RAPH1: variants seen among roughly 807,000 people sequenced by gnomAD.
RAPH1 encodes the protein ras-associated and pleckstrin homology domains-containing protein 1.
A neutral mutation model predicts 88.1 loss-of-function variants in RAPH1; 18 were observed. That is an observed-to-expected ratio of 0.20 (90% CI 0.14 to 0.30). The LOEUF is 0.30. Ranked by LOEUF, RAPH1 falls within the 10% of genes least tolerant of loss-of-function variation. The probability of loss-of-function intolerance (pLI) is 1.00; values close to 1 mark genes in which losing one functional copy is unlikely to be tolerated. For missense variants in RAPH1, 1,448 were observed against 1,543.2 expected, an observed-to-expected ratio of 0.94 and a Z score of 1.03; for synonymous variants, 587 against 559.0, an observed-to-expected ratio of 1.05 and a Z score of -0.71.
chr2:203,462,612 C>T (rs2098525044), intron 4 of RAPH1, among the ~76,000 whole-genome samples: 1 of 152,080 alleles, frequency 6.6e-6, no homozygotes. Context: ...TTTTTAAATG[C>T]TAAATATGAT....
chr2:203,500,274 G>A (rs1173015960), intron 1 of RAPH1, among the ~76,000 whole-genome samples: 1 of 152,212 alleles, frequency 6.6e-6, no homozygotes, highest in Non-Finnish European at 1.5e-5. Flanking sequence ...GAGACCTGAA[G>A]AGTGAATATG....
At chr2:203,530,165 T>G (rs1158846449) in intron 1 of RAPH1, among the ~76,000 whole-genome samples, 2 of 152,222 alleles carry the variant, frequency 1.3e-5, no homozygotes, top group African/African-American at 4.8e-5. Flanking sequence ...GAAAAATACC[T>G]TAATAGCAAG....
At chr2:203,501,712 T>G (rs1466883641) in intron 1 of RAPH1, among the ~76,000 whole-genome samples, 2 of 151,832 alleles carry the variant, frequency 1.3e-5, no homozygotes, top group Non-Finnish European at 1.5e-5. Flanking sequence ...AAGTTTCCTC[T>G]GTAGATTAGT....
chr2:203,530,761 G>C (rs1690353894), intron 1 of RAPH1, among the ~76,000 whole-genome samples: 1 of 151,974 alleles, frequency 6.6e-6, no homozygotes, highest in African/African-American at 2.4e-5. Context: ...GCACGGTGGT[G>C]CATGCCTGTA....
chr2:203,497,662 T>A (rs1688578195), intron 1 of RAPH1, among the ~76,000 whole-genome samples: 1 of 152,180 alleles, frequency 6.6e-6, no homozygotes, highest in Non-Finnish European at 1.5e-5. Flanking sequence ...TAGAAACTGA[T>A]AATTTCCATT....
In RAPH1 at chr2:203,433,762, T is replaced by A. The variant is rs2098495062; in HGVS notation, c.*5675A>T. ...ATGTTTTGGGTACCCTGACATGAAA[T>A]GCAAAACCAGATTCTTAATGGTGCC... On this transcript the variant is annotated 3_prime_UTR_variant, in exon 14 of 14. Transcript: ENST00000319170. 6.6e-6 allele frequency: 1 copy of A among 152,372 alleles called. No homozygotes were observed. Among genetic ancestry groups the A allele is most frequent in the African/African-American group, 2.4e-5 (1 of 41,438 alleles). The allele number at this position is 152,372 out of a possible 1,614,324, so 9.4% of individuals were successfully genotyped here. A position where few individuals can be genotyped will look rare whatever the true frequency, so the allele number is the denominator to read the frequency against.
At position 203,455,434 on chromosome 2, in the gene RAPH1, C is replaced by A. The variant is rs374366573; in HGVS notation, c.1302+3G>T. The A allele has an allele frequency of 6.2e-7, 1 of 1,611,890 alleles. No individual in the cohort carries two copies. Among genetic ancestry groups the A allele is most frequent in the Non-Finnish European group, 8.5e-7 (1 of 1,179,238 alleles). Reference sequence around the variant, plus strand: ...AGTTCAAATTCCAACAGAAGGGACACACCTTTGCTTTTCCTTTGGGAACAT... The same window carrying A: ...AGTTCAAATTCCAACAGAAGGGACAAACCTTTGCTTTTCCTTTGGGAACAT... On this transcript the variant is annotated splice_donor_region_variant and intron_variant, in intron 9 of 13. Transcript: ENST00000319170.
rs1461511495 is a variant in RAPH1 at position 203,433,815 on chromosome 2, T to A, written c.*5622A>T. ...TCCACAAACACTCAAAGTCCCCATGTTTAAATGAAATCTATGAATTTTTTT... is the reference window on the plus strand; with the variant it reads ...TCCACAAACACTCAAAGTCCCCATGATTAAATGAAATCTATGAATTTTTTT... On this transcript the variant is annotated 3_prime_UTR_variant, in exon 14 of 14. Transcript: ENST00000319170. 1 of 152,122 alleles carries A rather than the reference T, an allele frequency of 6.6e-6. No homozygotes were observed. The highest frequency in any genetic ancestry group is 1.5e-5 in the Non-Finnish European group (1 of 67,844). 9.4% of individuals were successfully genotyped at this position (152,122 alleles called of 1,614,324 possible).
At chr2:203,480,850 G>C (rs1054408036) in intron 4 of RAPH1, among the ~76,000 whole-genome samples, 1 of 152,170 alleles carries the variant, frequency 6.6e-6, no homozygotes, top group African/African-American at 2.4e-5. Flanking sequence ...AGAGTGCCTG[G>C]GTTCAAGCCC....
Position 203,518,769 on chromosome 2 carries a change from G to A in RAPH1, c.-1+16342C>T, listed in dbSNP as rs945821982. On this transcript the variant is annotated intron_variant, in intron 1 of 13. Transcript: ENST00000319170. ...AAGCTAAGGTAGGAGGATCATTTGAGCCCAGTTCAAGGTTACAGTGAGCTA... is the reference window on the plus strand; with the variant it reads ...AAGCTAAGGTAGGAGGATCATTTGAACCCAGTTCAAGGTTACAGTGAGCTA... Among the ~76,000 whole-genome samples the A allele has an allele frequency of 4.0e-5, 6 of 151,884 alleles. No homozygotes were observed. The South Asian group carries it at 1.3e-3, about 32-fold the overall frequency.
intron 1 of RAPH1, among the ~76,000 whole-genome samples, chr2:203,501,455 G>A (rs759769330): frequency 1.7e-4 from 26 of 152,174 alleles, no homozygotes; most frequent in South Asian, 1.0e-3. Context: ...TTAATAAACC[G>A]TCTGGGAAGT....
At chr2:203,467,764 A>T (rs1419000764) in intron 4 of RAPH1, among the ~76,000 whole-genome samples, 3 of 151,882 alleles carry the variant, frequency 2.0e-5, no homozygotes, top group African/African-American at 7.3e-5. Flanking sequence ...GTTTATTTTT[A>T]AACTTTTTGT....
intron 1 of RAPH1, among the ~76,000 whole-genome samples, chr2:203,508,594 T>A (rs762165790): frequency 2.6e-5 from 4 of 152,072 alleles, no homozygotes; most frequent in Non-Finnish European, 5.9e-5. Flanking sequence ...ATCACCACAA[T>A]GATCCATGTT....
intron 10 of RAPH1, among the ~76,000 whole-genome samples, chr2:203,452,919 C>G (rs1172984235): frequency 1.3e-5 from 2 of 152,116 alleles, no homozygotes; most frequent in Non-Finnish European, 2.9e-5. Flanking sequence ...GCCAGGGAGA[C>G]AGAGTGAGAC....
At chr2:203,495,692 A>C (rs1262563821) in intron 1 of RAPH1, among the ~76,000 whole-genome samples, 1 of 152,118 alleles carries the variant, frequency 6.6e-6, no homozygotes, top group Non-Finnish European at 1.5e-5. Context: ...ACTAGATCCT[A>C]GGACACCCAA....
chr2:203,444,971 A>G lies in RAPH1; in HGVS notation c.1673T>C (p.Val558Ala). Residue 558 changes from valine to alanine, a missense_variant, in exon 13 of 14, where the codon GTT becomes GCT. Coordinates refer to ENST00000319170, the MANE Select transcript of RAPH1 (RefSeq NM_213589.3). ...GTGTCCTGCTGGCTGGGTGTCAGAA[A>G]CTCCGCTATCAGACTGATTGGAGTG... ...SNHSNQSDSG[V>A]SDTQPAGHVR... 1 of 1,613,998 alleles carries G rather than the reference A, an allele frequency of 6.2e-7. No individual in the cohort carries two copies. Among genetic ancestry groups the G allele is most frequent in the Non-Finnish European group, 8.5e-7 (1 of 1,179,998 alleles).
intron 10 of RAPH1, among the ~76,000 whole-genome samples, chr2:203,452,830 C>T (rs7603427): frequency 0.43 from 65,161 of 151,826 alleles, 15,707 homozygotes; most frequent in Middle Eastern, 0.68. Context: ...TGGCTGTAGT[C>T]CCAGCTACTC....
chr2:203,477,002 G>A (rs918301858), intron 4 of RAPH1: 2 of 1,038,076 alleles, frequency 1.9e-6, no homozygotes, highest in Non-Finnish European at 2.9e-6. Context: ...ATATGAAAAG[G>A]TTTCATCATT....
chr2:203,461,186 A>G, intron 6 of RAPH1, 63 bp downstream of exon 6: 1 of 959,724 alleles, frequency 1.0e-6, no homozygotes, highest in Non-Finnish European at 1.5e-6. Flanking sequence ...TGTTTTTATC[A>G]GCATGAAAAC....
Sources: gnomAD v4.1 joint callset for allele counts (sites outside exome capture counted in the v4.1 genomes callset) on GRCh38, gnomAD v4.1.1 for gene constraint, MANE v1.5 for transcripts, NCBI Gene and HGNC (gene_info 2026-07-23, HGNC 2026-07-21) for gene names.